SGCZ: variants seen among roughly 807,000 people sequenced by gnomAD.
The protein encoded by SGCZ is zeta-sarcoglycan.
SGCZ carries 40 observed loss-of-function variants against 41.3 expected under a neutral mutation model. The observed-to-expected ratio is 0.97, with a 90% CI of 0.75 to 1.26. The LOEUF (loss-of-function observed/expected upper bound fraction) is 1.26. Ranked by LOEUF, SGCZ falls within the 50% of genes most tolerant of loss-of-function variation. The pLI, the probability that SGCZ is intolerant of heterozygous loss-of-function variation, is 0.00. For missense variants in SGCZ, 552 were observed against 369.8 expected (o/e 1.49, Z -4.04); for synonymous variants, 206 against 137.5 (o/e 1.50, Z -3.49).
intron 1 of SGCZ, among the ~76,000 whole-genome samples, chr8:15,039,724 A>C (rs1804010254): frequency 6.6e-6 from 1 of 152,196 alleles, no homozygotes; most frequent in African/African-American, 2.4e-5. Context: ...AAATCTCCCA[A>C]CTGTATGGTG....
chr8:14,183,373 A>C (rs1804793626), intron 4 of SGCZ, among the ~76,000 whole-genome samples: 2 of 152,186 alleles, frequency 1.3e-5, no homozygotes, highest in Admixed American at 1.3e-4. Flanking sequence ...GAACAGAATA[A>C]AAATGGGAAA....
intron 4 of SGCZ, among the ~76,000 whole-genome samples, chr8:14,213,801 G>C (rs1404828865): frequency 6.6e-6 from 1 of 151,918 alleles, no homozygotes; most frequent in African/African-American, 2.4e-5. Context: ...AAGATCATGG[G>C]ACCTAAATGA....
intron 1 of SGCZ, among the ~76,000 whole-genome samples, chr8:15,208,465 G>A (rs1261089704): frequency 1.3e-5 from 2 of 152,110 alleles, no homozygotes; most frequent in Non-Finnish European, 2.9e-5. Context: ...TCAGTTGTCA[G>A]AAACTCAAAA....
chr8:14,752,118 CAAAACA>C, intron 1 of SGCZ, among the ~76,000 whole-genome samples: 1 of 40,140 alleles, frequency 2.5e-5, no homozygotes, highest in Non-Finnish European at 5.0e-5. Context: ...CAAAAGAAAA[CAAAACA>C]AAAAAGCCAA....
intron 5 of SGCZ, among the ~76,000 whole-genome samples, chr8:14,134,369 C>G (rs1303270528): frequency 1.3e-5 from 2 of 152,028 alleles, no homozygotes; most frequent in Non-Finnish European, 2.9e-5. Context: ...GCCTAATGGC[C>G]TGTAGAAGTA....
At chr8:14,191,996 G>T (rs557805993) in intron 4 of SGCZ, among the ~76,000 whole-genome samples, 2 of 151,924 alleles carry the variant, frequency 1.3e-5, no homozygotes, top group African/African-American at 4.8e-5. Context: ...TAACCCTTTG[G>T]TCACACTTTG....
intron 1 of SGCZ, among the ~76,000 whole-genome samples, chr8:14,872,416 T>C (rs1354800279): frequency 6.6e-6 from 1 of 152,166 alleles, no homozygotes; most frequent in Non-Finnish European, 1.5e-5. Flanking sequence ...TTATTTTTAT[T>C]ATAAAAGTGG....
At chr8:14,258,466 T>C (rs1039509012) in intron 3 of SGCZ, among the ~76,000 whole-genome samples, 3 of 152,172 alleles carry the variant, frequency 2.0e-5, no homozygotes, top group African/African-American at 7.2e-5. Context: ...GGACTAACTG[T>C]AGAAATTCAC....
chr8:14,497,588 G>A (rs1802027762), intron 2 of SGCZ, among the ~76,000 whole-genome samples: 1 of 152,040 alleles, frequency 6.6e-6, no homozygotes, highest in Admixed American at 6.6e-5. Context: ...CTGTGTGTGT[G>A]TGTGTGAGAG....
At chr8:14,693,503 G>A (rs1032354299) in intron 1 of SGCZ, among the ~76,000 whole-genome samples, 15 of 150,446 alleles carry the variant, frequency 1.0e-4, no homozygotes, top group Admixed American at 1.3e-4. Flanking sequence ...TGTTGGTCAG[G>A]CTGATCTCAA....
chr8:14,888,826 T>A (rs1804904184), intron 1 of SGCZ, among the ~76,000 whole-genome samples: 1 of 151,838 alleles, frequency 6.6e-6, no homozygotes, highest in Non-Finnish European at 1.5e-5. Context: ...AAGTAAACAT[T>A]ATTTTTTCAC....
chr8:14,173,625 G>A (rs932086454), intron 4 of SGCZ, among the ~76,000 whole-genome samples: 15 of 152,078 alleles, frequency 9.9e-5, no homozygotes, highest in African/African-American at 3.6e-4. Context: ...CCATGAGCCT[G>A]TGAAACAAGT....
chr8:15,134,948 ATGT>A (rs150870522), intron 1 of SGCZ, among the ~76,000 whole-genome samples: 8,292 of 152,184 alleles, frequency 0.054, 281 homozygotes, highest in Middle Eastern at 0.12. Context: ...TTTTCAAGCA[ATGT>A]TGTTTCAAAA....
chr8:15,202,430 A>G (rs1040219870), intron 1 of SGCZ, among the ~76,000 whole-genome samples: 8 of 152,232 alleles, frequency 5.3e-5, no homozygotes, highest in African/African-American at 1.2e-4. Flanking sequence ...CTTCTCACAC[A>G]TAAGTGAGAG....
chr8:14,899,646 C>G (rs13258031), intron 1 of SGCZ, among the ~76,000 whole-genome samples: 1,750 of 152,142 alleles, frequency 0.012, 15 homozygotes, highest in Non-Finnish European at 0.018. Context: ...ACTACCTGAT[C>G]CCGAAGGCAT....
chr8:14,184,583 C>G (rs145755267), intron 4 of SGCZ, among the ~76,000 whole-genome samples: 2 of 152,104 alleles, frequency 1.3e-5, no homozygotes, highest in African/African-American at 4.8e-5. Flanking sequence ...CAAACCTACA[C>G]GGATTGTTTG....
chr8:14,631,243 G>C (rs1030618119), intron 1 of SGCZ, among the ~76,000 whole-genome samples: 1 of 151,532 alleles, frequency 6.6e-6, no homozygotes, highest in Non-Finnish European at 1.5e-5. Flanking sequence ...TTAAGTGATC[G>C]GCTAATGTAA....
chr8:14,466,175 C>T (rs929213463), intron 2 of SGCZ, among the ~76,000 whole-genome samples: 1 of 151,912 alleles, frequency 6.6e-6, no homozygotes, highest in Non-Finnish European at 1.5e-5. Context: ...TCACCTTATT[C>T]AGCTTTTCTT....
intron 1 of SGCZ, among the ~76,000 whole-genome samples, chr8:15,235,264 A>T (rs2117217479): frequency 6.6e-6 from 1 of 152,302 alleles, no homozygotes; most frequent in East Asian, 1.9e-4. Flanking sequence ...TTTCAGAAGG[A>T]TTCCACAGCC....
Sources: gnomAD v4.1 joint callset for allele counts (sites outside exome capture counted in the v4.1 genomes callset) on GRCh38, gnomAD v4.1.1 for gene constraint, MANE v1.5 for transcripts, NCBI Gene and HGNC (gene_info 2026-07-23, HGNC 2026-07-21) for gene names.